Variants in NBEA observed in about 807,000 individuals in gnomAD.
The protein encoded by NBEA is neurobeachin.
NBEA carries 44 observed loss-of-function variants against 343.4 expected under a neutral mutation model. The observed-to-expected ratio is 0.13, with a 90% CI of 0.10 to 0.16. The LOEUF (loss-of-function observed/expected upper bound fraction) is 0.16, where lower values mean the gene tolerates loss of function less well. Among genes scored for constraint, NBEA ranks in the 10% least tolerant of loss-of-function variants. The pLI is 1.00. For missense variants in NBEA, 2,555 were observed against 3,631.3 expected (o/e 0.70, Z 7.62); for synonymous variants, 1,175 against 1,238.7 (o/e 0.95, Z 1.08).
At chr13:35,254,074 G>A (rs970851829) in intron 34 of NBEA, among the ~76,000 whole-genome samples, 3 of 151,814 alleles carry the variant, frequency 2.0e-5, no homozygotes, top group Non-Finnish European at 4.4e-5. Context: ...ACATATTTTT[G>A]TACCTACATC....
chr13:35,285,986 T>C (rs1453256908), intron 34 of NBEA, among the ~76,000 whole-genome samples: 1 of 152,112 alleles, frequency 6.6e-6, no homozygotes, highest in Non-Finnish European at 1.5e-5. Flanking sequence ...TGGAATGACC[T>C]TCCTTTCTTT....
At chr13:35,424,940 G>A (rs1269208326) in intron 38 of NBEA, among the ~76,000 whole-genome samples, 2 of 152,104 alleles carry the variant, frequency 1.3e-5, no homozygotes, top group African/African-American at 4.8e-5. Context: ...TTGCATAGAG[G>A]TGTTTATAGT....
At chr13:35,363,394 T>G (rs1214992048) in intron 38 of NBEA, among the ~76,000 whole-genome samples, 2 of 151,982 alleles carry the variant, frequency 1.3e-5, no homozygotes, top group South Asian at 4.1e-4. Context: ...ATTCCTGCCA[T>G]TTCATTAAAA....
intron 35 of NBEA, among the ~76,000 whole-genome samples, chr13:35,291,200 G>A (rs2035782275): frequency 6.6e-6 from 1 of 151,842 alleles, no homozygotes; most frequent in Non-Finnish European, 1.5e-5. Flanking sequence ...GAGCTTGTGT[G>A]TGTTTGTAAT....
Position 35,671,876 on chromosome 13 carries a change from T to A in NBEA, c.*885T>A, listed in dbSNP as rs979692933. ...GTCATGGGCGTTAGTTCTGTAGTAA[T>A]AACTTCCCAGCACCTGGACATCTCT... is the stretch of plus-strand genomic sequence containing the variant. On this transcript the variant is annotated 3_prime_UTR_variant, in exon 59 of 59. Transcript: ENST00000379939. 4 of 152,518 alleles carry A rather than the reference T, an allele frequency of 2.6e-5. No individual in the cohort carries two copies. The highest frequency in any genetic ancestry group is 9.6e-5 in the African/African-American group (4 of 41,454). 9.4% of individuals were successfully genotyped at this position (152,518 alleles called of 1,614,324 possible). A position where few individuals can be genotyped will look rare whatever the true frequency, so the allele number is the denominator to read the frequency against.
intron 45 of NBEA, among the ~76,000 whole-genome samples, chr13:35,569,005 G>C (rs986808213): frequency 6.6e-6 from 1 of 152,162 alleles, no homozygotes; most frequent in African/African-American, 2.4e-5. Context: ...TAGGGTTGTT[G>C]TGTGGAGTGG....
At chr13:35,660,586 G>A (rs574289041) in intron 55 of NBEA, among the ~76,000 whole-genome samples, 285 of 152,298 alleles carry the variant, frequency 1.9e-3, no homozygotes, top group African/African-American at 6.7e-3. Flanking sequence ...CTCCCATTGT[G>A]TATGCCTCAG....
intron 36 of NBEA, among the ~76,000 whole-genome samples, chr13:35,343,223 CAAAT>C (rs2039685280): frequency 6.6e-6 from 1 of 151,902 alleles, no homozygotes; most frequent in Non-Finnish European, 1.5e-5. Context: ...TCATGTATTT[CAAAT>C]AAATAACCTC....
chr13:35,606,286 A>G (rs1321042969), intron 47 of NBEA, 140 bp from the exon 48 acceptor site: 3 of 412,500 alleles, frequency 7.3e-6, no homozygotes, highest in Non-Finnish European at 1.2e-5. Flanking sequence ...TAAATGAAGA[A>G]TAGAATAGAA....
intron 18 of NBEA, among the ~76,000 whole-genome samples, chr13:35,150,303 CA>C (rs2068697061): frequency 6.6e-6 from 1 of 152,154 alleles, no homozygotes; most frequent in South Asian, 2.1e-4. Context: ...GATTGGTTAT[CA>C]TTGTTAATCC....
At chr13:34,993,995 C>G (rs952152050) in intron 1 of NBEA, among the ~76,000 whole-genome samples, 3 of 151,744 alleles carry the variant, frequency 2.0e-5, no homozygotes, top group East Asian at 2.0e-4. Context: ...GTCAAGAGCT[C>G]AAGACCAGAC....
At chr13:35,349,337 C>T (rs2040052176) in intron 37 of NBEA, 121 bp downstream of exon 37, 3 of 516,786 alleles carry the variant, frequency 5.8e-6, no homozygotes, top group African/African-American at 2.0e-5. Flanking sequence ...ATTTCTGTTC[C>T]TGTTTTTTAA....
chr13:35,388,146 C>A (rs1365380779), intron 38 of NBEA, among the ~76,000 whole-genome samples: 1 of 152,042 alleles, frequency 6.6e-6, no homozygotes, highest in Non-Finnish European at 1.5e-5. Flanking sequence ...TACTAGGTAA[C>A]CTTTGATCTT....
At chr13:35,372,814 G>A (rs1292219945) in intron 38 of NBEA, among the ~76,000 whole-genome samples, 1 of 152,088 alleles carries the variant, frequency 6.6e-6, no homozygotes, top group Non-Finnish European at 1.5e-5. Context: ...CTGTGGGTGA[G>A]GGATGTCAGT....
chr13:35,531,723 T>A (rs1037438496), intron 41 of NBEA, among the ~76,000 whole-genome samples: 1 of 152,174 alleles, frequency 6.6e-6, no homozygotes, highest in Non-Finnish European at 1.5e-5. Flanking sequence ...CCAATTTTAA[T>A]TGAGCTCCAG....
intron 41 of NBEA, among the ~76,000 whole-genome samples, chr13:35,548,069 A>G (rs1325370841): frequency 1.3e-5 from 2 of 152,214 alleles, no homozygotes; most frequent in East Asian, 1.9e-4. Context: ...AAGTGAGAAC[A>G]CCAGAACAGA....
At chr13:35,059,743 C>CAA (rs141805938) in intron 8 of NBEA, among the ~76,000 whole-genome samples, 2 of 145,778 alleles carry the variant, frequency 1.4e-5, no homozygotes, top group Admixed American at 1.4e-4. Context: ...CTTTGTATGT[C>CAA]ATATATATAT....
chr13:35,389,458 GTCTC>G (rs542873892), intron 38 of NBEA, among the ~76,000 whole-genome samples: 2 of 151,840 alleles, frequency 1.3e-5, no homozygotes, highest in African/African-American at 2.4e-5. Flanking sequence ...AGGCAAAGAT[GTCTC>G]TCTATTTCTT....
chr13:35,516,974 C>G (rs529638112), intron 41 of NBEA, among the ~76,000 whole-genome samples: 1 of 152,162 alleles, frequency 6.6e-6, no homozygotes, highest in African/African-American at 2.4e-5. Flanking sequence ...TTCCAAAGAT[C>G]ATGTTCTTTC....
Sources: allele counts gnomAD v4.1 joint callset (sites outside exome capture counted in the v4.1 genomes callset), GRCh38; gene constraint gnomAD v4.1.1; transcripts MANE v1.5; gene names NCBI Gene and HGNC (gene_info 2026-07-23, HGNC 2026-07-21).